Variants in CCDC141 observed in about 807,000 individuals in gnomAD.
CCDC141 encodes coiled-coil domain containing 141.
A neutral mutation model predicts 181.0 loss-of-function variants in CCDC141; 168 were observed. The observed-to-expected ratio is 0.93, with a 90% CI of 0.82 to 1.05. The LOEUF is 1.05. Among genes scored for constraint, CCDC141 ranks in the 50% least tolerant of loss-of-function variants. The probability of loss-of-function intolerance (pLI) is 0.00; values close to 1 mark genes in which losing one functional copy is unlikely to be tolerated. For synonymous variants in CCDC141, 666 were observed against 642.3 expected (o/e 1.04, Z -0.56); for missense variants, 1,902 against 1,788.5 (o/e 1.06, Z -1.14).
intron 8 of CCDC141, among the ~76,000 whole-genome samples, chr2:178,901,088 A>G (rs142953734): frequency 2.0e-3 from 304 of 152,262 alleles, no homozygotes; most frequent in African/African-American, 7.0e-3. Context: ...AGGGTACCAG[A>G]TAGGAAGGAG....
intron 2 of CCDC141, among the ~76,000 whole-genome samples, chr2:179,020,415 T>C (rs2042663865): frequency 6.6e-6 from 1 of 152,148 alleles, no homozygotes. Flanking sequence ...TAGGCTTACC[T>C]AGAAATATAC....
intron 2 of CCDC141, among the ~76,000 whole-genome samples, chr2:179,022,667 T>C (rs2042722591): frequency 6.6e-6 from 1 of 152,240 alleles, no homozygotes; most frequent in Non-Finnish European, 1.5e-5. Context: ...AGTGCCTTGA[T>C]GTTGTGACTT....
the CCDC141 span, among the ~76,000 whole-genome samples, chr2:178,816,716 C>T: frequency 6.6e-6 from 1 of 152,144 alleles, no homozygotes; most frequent in Non-Finnish European, 1.5e-5. Context: ...TTTGTCAGTG[C>T]TTTGGATTTT....
chr2:178,826,102 T>C (rs1393545253), downstream of CCDC141, among the ~76,000 whole-genome samples: 1 of 152,210 alleles, frequency 6.6e-6, no homozygotes, highest in Non-Finnish European at 1.5e-5. Context: ...TTTCCTCTGT[T>C]ACTAGTTTTC....
At chr2:178,961,559 A>C in intron 4 of CCDC141, 76 bp from the exon 5 acceptor site, 1 of 1,100,984 alleles carries the variant, frequency 9.1e-7, no homozygotes, top group Non-Finnish European at 1.3e-6. Context: ...ACTCTTCATA[A>C]TTTAAAATAT....
rs1471108847 is a variant in CCDC141 at position 178,978,352 on chromosome 2, G to A, written c.417+132C>T. The A allele has an allele frequency of 1.6e-5, 8 of 489,964 alleles. No individual in the cohort carries two copies. The Admixed American group carries it at 1.7e-4, about 10-fold the overall frequency. 30.4% of individuals were successfully genotyped at this position (489,964 alleles called of 1,614,324 possible). On this transcript the variant is annotated intron_variant, in intron 3 of 23. Transcript: ENST00000443758. ...GACAATCAAAAATTAAATATATTGT[G>A]TATGTATGTTTTGGTTATTCTGCCA...
chr2:178,847,222 G>C (rs55968359), intron 21 of CCDC141, among the ~76,000 whole-genome samples: 43,797 of 151,992 alleles, frequency 0.29, 6,671 homozygotes, highest in African/African-American at 0.36. Flanking sequence ...ACTCTTTCTG[G>C]AGTACCTGCT....
chr2:179,018,825 TTTC>T (rs1426389583), intron 2 of CCDC141, among the ~76,000 whole-genome samples: 18 of 152,170 alleles, frequency 1.2e-4, no homozygotes, highest in African/African-American at 4.1e-4. Flanking sequence ...CAGTATAATA[TTTC>T]TTTTTAAATA....
intron 2 of CCDC141, among the ~76,000 whole-genome samples, chr2:179,015,354 C>CATATCCCATATATGTATCATAT (rs1559049432): frequency 1.6e-5 from 2 of 126,600 alleles, no homozygotes; most frequent in African/African-American, 7.2e-5. Flanking sequence ...ATGTATCATA[C>CATATCCCATATATGTATCATAT]ATATCCCATA....
chr2:178,815,431 G>A, the CCDC141 span, among the ~76,000 whole-genome samples: 13 of 152,218 alleles, frequency 8.5e-5, no homozygotes, highest in African/African-American at 2.6e-4. Context: ...TTTAAAATGA[G>A]GAAGCTTTAG....
chr2:178,873,183 A>AT (rs1686195008), intron 12 of CCDC141: 1 of 152,178 alleles, frequency 6.6e-6, no homozygotes, highest in Non-Finnish European at 1.5e-5. Context: ...TATCATAAAT[A>AT]CTTAACAGGA....
chr2:178,883,753 TG>T (rs1239608783), intron 11 of CCDC141, among the ~76,000 whole-genome samples: 4 of 152,120 alleles, frequency 2.6e-5, no homozygotes, highest in African/African-American at 9.7e-5. Flanking sequence ...TTACTAGGAT[TG>T]GGGTTAAATA....
At chr2:178,877,699 A>G in intron 12 of CCDC141, 2 of 510,634 alleles carry the variant, frequency 3.9e-6, no homozygotes, top group South Asian at 2.9e-5. Flanking sequence ...TGAGGACTCT[A>G]TTTAATAATA....
Position 178,836,888 on chromosome 2 carries a change from A to G in CCDC141, c.4325+6T>C, listed in dbSNP as rs767265550. ...CATTTATGGCTTGTCATTATAGGCT[A>G]CCCACCATGTCAGTGTAGGCTCTGG... On this transcript the variant is annotated splice_donor_region_variant and intron_variant, in intron 23 of 23. Coordinates refer to ENST00000443758, the MANE Select transcript of CCDC141 (RefSeq NM_173648.4). 17 of 1,595,290 alleles carry G rather than the reference A, an allele frequency of 1.1e-5. No homozygotes were observed. The highest frequency in any genetic ancestry group is 1.4e-5 in the Non-Finnish European group (16 of 1,175,158).
intron 5 of CCDC141, among the ~76,000 whole-genome samples, chr2:178,953,266 C>T (rs953774751): frequency 1.3e-5 from 2 of 152,142 alleles, no homozygotes; most frequent in African/African-American, 4.8e-5. Flanking sequence ...GAAACTGCAT[C>T]TGTACTTAAA....
intron 15 of CCDC141, among the ~76,000 whole-genome samples, chr2:178,868,507 C>T (rs189469224): frequency 2.3e-4 from 35 of 149,676 alleles, no homozygotes; most frequent in African/African-American, 6.9e-4. Flanking sequence ...GGGATATTAA[C>T]GAATATTCCT....
intron 7 of CCDC141, among the ~76,000 whole-genome samples, chr2:178,915,106 A>T (rs1021969826): frequency 2.0e-5 from 3 of 152,072 alleles, no homozygotes; most frequent in Non-Finnish European, 4.4e-5. Flanking sequence ...CCCGGAGGTC[A>T]GGGCTACAGT....
intron 18 of CCDC141, 65 bp downstream of exon 18, chr2:178,856,192 T>G (rs990522048): frequency 2.9e-6 from 4 of 1,365,970 alleles, no homozygotes; most frequent in African/African-American, 1.5e-5. Flanking sequence ...TCAAAACAAT[T>G]TTGCAATAAT....
intron 6 of CCDC141, among the ~76,000 whole-genome samples, chr2:178,934,054 C>G (rs1037303379): frequency 6.6e-6 from 1 of 151,948 alleles, no homozygotes; most frequent in African/African-American, 2.4e-5. Context: ...TGGATGCCCA[C>G]CAAAACCTAC....
Sources: allele counts gnomAD v4.1 joint callset (sites outside exome capture counted in the v4.1 genomes callset), GRCh38; gene constraint gnomAD v4.1.1; transcripts MANE v1.5; gene names NCBI Gene and HGNC (gene_info 2026-07-23, HGNC 2026-07-21).